The following F11 variants were observed in gnomAD, a reference collection of about 807,000 sequenced individuals.
F11 encodes coagualtion factor XI.
In F11, 78 loss-of-function variants were observed where a neutral mutation model predicts 76.5. The observed-to-expected ratio is 1.02, with a 90% confidence interval of 0.85 to 1.23. F11 has a LOEUF of 1.23. Among genes scored for constraint, F11 ranks in the 50% most tolerant of loss-of-function variants. The probability of loss-of-function intolerance (pLI) is 0.00; values close to 1 mark genes in which losing one functional copy is unlikely to be tolerated. For missense variants in F11, 742 were observed against 771.4 expected, an observed-to-expected ratio of 0.96 and a Z score of 0.45; for synonymous variants, 278 against 276.3, an observed-to-expected ratio of 1.01 and a Z score of -0.06.
At chr4:186,287,258 GC>G (rs1411486653) in intron 13 of F11, among the ~76,000 whole-genome samples, 1 of 151,814 alleles carries the variant, frequency 6.6e-6, no homozygotes, top group Non-Finnish European at 1.5e-5. Context: ...ACAGGCGTGA[GC>G]CCCCACACCC....
rs530590576 is a variant in F11 at position 186,287,912 on chromosome 4, TG to T, written c.1716+90del. ...TTTTGTTTGTTTTGTTTTTTTTGTT[TG>T]TTTTTTTTTGAGACAGAGTCTCGCT... On this transcript the variant is annotated intron_variant, in intron 14 of 14. Transcript: ENST00000403665. 83 of 1,498,496 alleles carry T rather than the reference TG, an allele frequency of 5.5e-5. No individual in the cohort carries two copies. The South Asian group carries it at 8.4e-4, about 15-fold the overall frequency. The allele number at this position is 1,498,496 out of a possible 1,614,324, so 92.8% of individuals were successfully genotyped here.
chr4:186,289,933 G>T (rs182843527), downstream of F11, among the ~76,000 whole-genome samples: 1 of 151,898 alleles, frequency 6.6e-6, no homozygotes, highest in African/African-American at 2.4e-5. Flanking sequence ...TGCCCACCTC[G>T]GCCTCTCAAA....
At chr4:186,285,136 G>C (rs1460513772) in intron 11 of F11, among the ~76,000 whole-genome samples, 1 of 152,174 alleles carries the variant, frequency 6.6e-6, no homozygotes, top group East Asian at 1.9e-4. Flanking sequence ...TCCAGACACA[G>C]TTTTGTGTGC....
chr4:186,276,396 G>A lies in F11; in HGVS notation c.755+6G>A, dbSNP rs1740386177. On this transcript the variant is annotated splice_donor_region_variant and intron_variant, in intron 7 of 14. Transcript: ENST00000403665. Reference sequence around the variant, plus strand: ...TGGCCCAAAGAATCTCAAAGGTAAGGAGTTAACAAGTAAGGATAATTTGTT... The same window carrying A: ...TGGCCCAAAGAATCTCAAAGGTAAGAAGTTAACAAGTAAGGATAATTTGTT... 2 of 1,613,720 alleles carry A rather than the reference G, an allele frequency of 1.2e-6. No homozygotes were observed. Among genetic ancestry groups the A allele is most frequent in the Admixed American group, 1.7e-5 (1 of 59,970 alleles).
intron 13 of F11, among the ~76,000 whole-genome samples, chr4:186,287,133 C>A (rs777934160): frequency 2.0e-5 from 3 of 151,868 alleles, no homozygotes; most frequent in Non-Finnish European, 4.4e-5. Context: ...AACCACCACC[C>A]CAAGCTAATT....
At chr4:186,273,261 TGAAACACTGCTATGTG>T (rs1740116736) in intron 4 of F11, 84 bp downstream of exon 4, 1 of 1,055,480 alleles carries the variant, frequency 9.5e-7, no homozygotes, top group Non-Finnish European at 1.5e-6. Flanking sequence ...GGCTATGAAA[TGAAACACTGCTATGTG>T]GAAATAAACC....
intron 6 of F11, 61 bp downstream of exon 6, chr4:186,275,957 A>G: frequency 3.8e-6 from 5 of 1,329,206 alleles, no homozygotes; most frequent in Non-Finnish European, 5.3e-6. Flanking sequence ...ATTACAGTAG[A>G]TCTCACTCAG....
intron 14 of F11, among the ~76,000 whole-genome samples, chr4:186,288,155 G>A (rs1741354730): frequency 6.6e-6 from 1 of 151,728 alleles, no homozygotes; most frequent in Non-Finnish European, 1.5e-5. Context: ...CTCATGATCT[G>A]CCTGCCTGGG....
At chr4:186,268,249 T>A (rs965101409) in intron 2 of F11, among the ~76,000 whole-genome samples, 3 of 152,204 alleles carry the variant, frequency 2.0e-5, no homozygotes, top group Non-Finnish European at 2.9e-5. Flanking sequence ...GTACTAGGTA[T>A]TATAAGTAAT....
chr4:186,282,024 T>C lies in F11; in HGVS notation c.1135+1444T>C, dbSNP rs745510316. The C allele has an allele frequency of 4.0e-5, 50 of 1,245,984 alleles. 1 individual carries two copies. In the South Asian group the frequency reaches 4.1e-4, roughly 10 times the overall value. 77.2% of individuals were successfully genotyped at this position (1,245,984 alleles called of 1,614,324 possible). On this transcript the variant is annotated intron_variant, in intron 10 of 14. Coordinates refer to ENST00000403665, the MANE Select transcript of F11 (RefSeq NM_000128.4). ...ACGTCGTATCTCATACATTCTGTTT[T>C]CCTCACAATAAATTTCCCTAAGACA...
chr4:186,277,802 T>C (rs1447488163), intron 7 of F11, among the ~76,000 whole-genome samples: 2 of 152,146 alleles, frequency 1.3e-5, no homozygotes, highest in African/African-American at 4.8e-5. Flanking sequence ...CCCTCTTTTA[T>C]TTATTTATTT....
In F11 at chr4:186,284,143, G is replaced by A. The variant is rs138870893; in HGVS notation, c.1187G>A (p.Arg396His). 8.1e-6 allele frequency: 13 copies of A among 1,614,054 alleles called. No homozygotes were observed. Among genetic ancestry groups the A allele is most frequent in the East Asian group, 2.2e-5 (1 of 44,882 alleles). Residue 396 changes from arginine (R) to histidine (H), a missense_variant, in exon 11 of 15, where the codon CGT becomes CAT. By Grantham distance (29) the Arg-to-His change is conservative (BLOSUM62 0). Transcript: ENST00000403665. The part of the protein sequence containing the change: ...PRIVGGTASV[R>H]GEWPWQVTLH... Reference sequence around the variant, plus strand: ...ATCGTTGGAGGAACTGCGTCTGTTCGTGGTGAGTGGCCGTGGCAGGTGACC... The same window carrying A: ...ATCGTTGGAGGAACTGCGTCTGTTCATGGTGAGTGGCCGTGGCAGGTGACC...
At chr4:186,288,305 A>T (rs1200827188) in intron 14 of F11, 148 bp from the exon 15 acceptor site, 1 of 879,010 alleles carries the variant, frequency 1.1e-6, no homozygotes, top group Non-Finnish European at 1.9e-6. Flanking sequence ...AAGGAGATTG[A>T]CTGGATGAAC....
rs775238398 is a variant in F11, at chr4:186,273,171, A to G, written c.319A>G (p.Ile107Val). ...GYSFKQCSHQ[I>V]SACNKDIYVD... The stretch of plus-strand genomic sequence containing the variant: ...TTCTTTCAAGCAATGCTCACACCAA[A>G]TAAGCGGTAAGATATGTTCTCAGAA... Residue 107 changes from isoleucine (I) to valine (V), a missense_variant, in exon 4 of 15, where the codon ATA (isoleucine) becomes GTA (valine). Coordinates refer to ENST00000403665, the MANE Select transcript of F11 (RefSeq NM_000128.4). 5 of 1,611,014 alleles carry G rather than the reference A, an allele frequency of 3.1e-6. No homozygotes were observed. The East Asian group carries it at 8.9e-5, about 29-fold the overall frequency.
chr4:186,286,065 T>A, intron 12 of F11: 1 of 568,448 alleles, frequency 1.8e-6, no homozygotes. Flanking sequence ...ATGACATAAT[T>A]TCATAATACT....
intron 3 of F11, 36 bp from the exon 4 acceptor site, chr4:186,273,035 T>G: frequency 7.4e-7 from 1 of 1,350,700 alleles, no homozygotes; most frequent in African/African-American, 1.5e-5. Context: ...AAAACATAAA[T>G]TCCTATTCAT....
At chr4:186,274,394 T>C (rs1259875181) in intron 5 of F11, 119 bp downstream of exon 5, 1 of 1,294,294 alleles carries the variant, frequency 7.7e-7, no homozygotes, top group Non-Finnish European at 1.1e-6. Flanking sequence ...GACATTTCTA[T>C]AATAGTACTC....
chr4:186,276,180 T>C (rs1175367480), intron 6 of F11, 51 bp from the exon 7 acceptor site: 1 of 1,611,542 alleles, frequency 6.2e-7, no homozygotes. Context: ...GACCGGAATT[T>C]TCCTGATAGC....
chr4:186,267,661 G>A (rs758172287), intron 2 of F11, among the ~76,000 whole-genome samples: 1 of 152,056 alleles, frequency 6.6e-6, no homozygotes, highest in Non-Finnish European at 1.5e-5. Flanking sequence ...TGCTAAATTT[G>A]TTTATAAATT....
Sources: allele counts gnomAD v4.1 joint callset (sites outside exome capture counted in the v4.1 genomes callset), GRCh38; gene constraint gnomAD v4.1.1; transcripts MANE v1.5; gene names NCBI Gene and HGNC (gene_info 2026-07-23, HGNC 2026-07-21).